The following GDPD4 variants were observed in gnomAD, a reference collection of about 807,000 sequenced individuals.
GDPD4 encodes the protein glycerophosphodiester phosphodiesterase 6.
Under a neutral mutation model 67.8 loss-of-function variants are expected in GDPD4, and 60 were observed. The ratio of observed to expected loss-of-function variants is 0.88; its 90% confidence interval spans 0.72 to 1.10. The LOEUF is 1.10. Ranked by LOEUF, GDPD4 falls within the 50% of genes least tolerant of loss-of-function variation. The pLI is 0.00. For missense variants in GDPD4, 623 were observed against 613.9 expected, an observed-to-expected ratio of 1.01 and a Z score of -0.16; for synonymous variants, 212 against 210.9, an observed-to-expected ratio of 1.00 and a Z score of -0.04.
At chr11:77,261,530 G>A (rs551771347) in intron 10 of GDPD4, among the ~76,000 whole-genome samples, 3 of 152,238 alleles carry the variant, frequency 2.0e-5, no homozygotes, top group South Asian at 2.1e-4. Flanking sequence ...GAGCCACCAC[G>A]CCCAGCCAAA....
chr11:77,257,569 A>ACACACACACACC (rs1222343763), intron 11 of GDPD4, among the ~76,000 whole-genome samples: 1 of 150,470 alleles, frequency 6.6e-6, no homozygotes, highest in Non-Finnish European at 1.5e-5. Context: ...ACACACACAC[A>ACACACACACACC]CACACACACA....
At chr11:77,225,494 GTCTC>G (rs757837265) in intron 16 of GDPD4, among the ~76,000 whole-genome samples, 11 of 152,106 alleles carry the variant, frequency 7.2e-5, no homozygotes, top group Admixed American at 1.3e-4. Context: ...AATCAAGATA[GTCTC>G]TCTCTCCCTC....
At chr11:77,252,066 T>TTTTTTTTTTTTTG (rs1958914016) in intron 11 of GDPD4, among the ~76,000 whole-genome samples, 1 of 29,980 alleles carries the variant, frequency 3.3e-5, no homozygotes, top group Admixed American at 2.8e-4. Context: ...TTTTTTTTTG[T>TTTTTTTTTTTTTG]TTTTTTTTTT....
intron 16 of GDPD4, among the ~76,000 whole-genome samples, chr11:77,222,785 TA>T (rs1194075255): frequency 3.3e-5 from 5 of 152,234 alleles, no homozygotes; most frequent in African/African-American, 9.6e-5. Flanking sequence ...CCTGCCTTGC[TA>T]GGTTGGGGAT....
intron 16 of GDPD4, among the ~76,000 whole-genome samples, chr11:77,223,599 T>G (rs1263465431): frequency 6.6e-6 from 1 of 152,154 alleles, no homozygotes; most frequent in East Asian, 1.9e-4. Flanking sequence ...CTGTATGACC[T>G]GTCAGTCGGC....
chr11:77,218,586 G>A (rs1017274314), intron 16 of GDPD4, among the ~76,000 whole-genome samples: 2 of 152,148 alleles, frequency 1.3e-5, no homozygotes, highest in African/African-American at 2.4e-5. Context: ...TCCCTGCCCT[G>A]TATGCAAGTG....
intron 3 of GDPD4, among the ~76,000 whole-genome samples, chr11:77,284,399 A>G (rs567196390): frequency 2.0e-5 from 3 of 152,332 alleles, no homozygotes; most frequent in Admixed American, 6.5e-5. Context: ...GGCAGATACT[A>G]TATTTTCTAA....
chr11:77,290,095 G>T (rs1055391718), intron 1 of GDPD4, among the ~76,000 whole-genome samples: 4 of 152,266 alleles, frequency 2.6e-5, no homozygotes, highest in Admixed American at 2.0e-4. Context: ...TCTTCTCCAA[G>T]GCACTTTATA....
chr11:77,226,565 G>C (rs1025285354), intron 16 of GDPD4, among the ~76,000 whole-genome samples: 1 of 152,186 alleles, frequency 6.6e-6, no homozygotes, highest in African/African-American at 2.4e-5. Context: ...GGGATTTCTA[G>C]CCTCCAGAAC....
At chr11:77,298,282 C>A (rs1001420040) in intron 1 of GDPD4, among the ~76,000 whole-genome samples, 1 of 152,124 alleles carries the variant, frequency 6.6e-6, no homozygotes, top group Non-Finnish European at 1.5e-5. Flanking sequence ...GAGGCCAAGG[C>A]GGGCAGATCA....
chr11:77,225,389 A>G (rs989378254), intron 16 of GDPD4, among the ~76,000 whole-genome samples: 2 of 152,138 alleles, frequency 1.3e-5, no homozygotes, highest in African/African-American at 2.4e-5. Context: ...GTGGTGGAGC[A>G]GAGGCAGAAA....
chr11:77,234,516 A>C (rs1265753729), intron 13 of GDPD4, among the ~76,000 whole-genome samples: 1 of 151,766 alleles, frequency 6.6e-6, no homozygotes, highest in Non-Finnish European at 1.5e-5. Flanking sequence ...TCCATTTTGG[A>C]CTCCCCATTG....
At position 77,233,015 on chromosome 11, in the gene GDPD4, A is replaced by G; in HGVS notation, c.1389+10T>C. On this transcript the variant is annotated intron_variant, in intron 14 of 16. Transcript: ENST00000315938. ...CAAGCCTGGAAGAACAATCTGGACAACCAGCTCACCATGAAGAAGTGAGGG... is the reference window on the plus strand; with the variant it reads ...CAAGCCTGGAAGAACAATCTGGACAGCCAGCTCACCATGAAGAAGTGAGGG... 6.2e-7 allele frequency: 1 copy of G among 1,613,642 alleles called. No homozygotes were observed.
intron 1 of GDPD4, among the ~76,000 whole-genome samples, chr11:77,289,495 G>T (rs971426874): frequency 3.3e-5 from 5 of 149,910 alleles, no homozygotes; most frequent in African/African-American, 1.2e-4. Flanking sequence ...GCCGAGGCAG[G>T]GGGTGGGGGG....
chr11:77,271,282 G>C lies in GDPD4; in HGVS notation c.306+13C>G. On this transcript the variant is annotated intron_variant, in intron 6 of 16. Coordinates refer to ENST00000315938, the MANE Select transcript of GDPD4 (RefSeq NM_182833.3). The stretch of plus-strand genomic sequence containing the variant: ...CTAGACAGCTAGTGCTGGAGCTATA[G>C]GATGATGCTTACCTGCATTGACAGC... 1 of 1,609,724 alleles carries C rather than the reference G, an allele frequency of 6.2e-7. No homozygotes were observed. The highest frequency in any genetic ancestry group is 8.5e-7 in the Non-Finnish European group (1 of 1,175,940).
intron 10 of GDPD4, among the ~76,000 whole-genome samples, chr11:77,264,491 C>T (rs1303182648): frequency 6.6e-6 from 1 of 152,018 alleles, no homozygotes; most frequent in Non-Finnish European, 1.5e-5. Flanking sequence ...ACATAGGAAA[C>T]AGCCAGGTAG....
chr11:77,294,376 C>T (rs1006472756), intron 1 of GDPD4, among the ~76,000 whole-genome samples: 133 of 152,168 alleles, frequency 8.7e-4, no homozygotes, highest in African/African-American at 3.1e-3. Flanking sequence ...TGATGATTTA[C>T]AATAGTAACA....
At chr11:77,276,103 G>T in intron 5 of GDPD4, 58 bp downstream of exon 5, 1 of 1,242,998 alleles carries the variant, frequency 8.0e-7, no homozygotes, top group South Asian at 1.2e-5. Flanking sequence ...GCATGTTCAG[G>T]CCTGGTCTAA....
chr11:77,268,355 C>T, intron 10 of GDPD4, 102 bp downstream of exon 10: 1 of 770,806 alleles, frequency 1.3e-6, no homozygotes, highest in Non-Finnish European at 2.3e-6. Flanking sequence ...AGGAACAACT[C>T]CCCAGGGCTT....
Sources: allele counts gnomAD v4.1 joint callset (sites outside exome capture counted in the v4.1 genomes callset), GRCh38; gene constraint gnomAD v4.1.1; transcripts MANE v1.5; gene names NCBI Gene and HGNC (gene_info 2026-07-23, HGNC 2026-07-21).